SLC25A48: variants seen among roughly 807,000 people sequenced by gnomAD.
SLC25A48 encodes solute carrier family 25 member 48.
Under a neutral mutation model 32.2 loss-of-function variants are expected in SLC25A48, and 29 were observed. The observed-to-expected ratio is 0.90, with a 90% CI of 0.67 to 1.23. The LOEUF is 1.23. Ranked by LOEUF, SLC25A48 falls within the 50% of genes most tolerant of loss-of-function variation. SLC25A48 has a pLI of 0.00. For missense variants in SLC25A48, 399 were observed against 422.7 expected (o/e 0.94, Z 0.49); for synonymous variants, 164 against 172.3 (o/e 0.95, Z 0.38).
At chr5:135,747,405 T>G (rs1056870751) in intron 3 of SLC25A48, among the ~76,000 whole-genome samples, 2 of 152,066 alleles carry the variant, frequency 1.3e-5, no homozygotes, top group African/African-American at 4.8e-5. Flanking sequence ...TGGTCAATTT[T>G]TCCCCCCAAG....
intron 4 of SLC25A48, among the ~76,000 whole-genome samples, chr5:135,855,782 C>T (rs112137103): frequency 1.1e-3 from 170 of 152,312 alleles, no homozygotes; most frequent in African/African-American, 3.7e-3. Flanking sequence ...GCCCAGAGTC[C>T]CGATCTCACC....
chr5:135,863,442 A>G (rs1225623094), intron 4 of SLC25A48, among the ~76,000 whole-genome samples: 2 of 152,230 alleles, frequency 1.3e-5, no homozygotes, highest in African/African-American at 4.8e-5. Context: ...TTGAGGTCAT[A>G]ACATTAGATG....
intron 4 of SLC25A48, among the ~76,000 whole-genome samples, chr5:135,864,133 C>T (rs1165291582): frequency 6.6e-6 from 1 of 152,098 alleles, no homozygotes; most frequent in African/African-American, 2.4e-5. Context: ...AGAGGGTCAG[C>T]CAAGAGGGGT....
intron 1 of SLC25A48, among the ~76,000 whole-genome samples, chr5:135,582,970 T>C (rs1751267109): frequency 6.6e-6 from 1 of 152,176 alleles, no homozygotes; most frequent in Non-Finnish European, 1.5e-5. Context: ...TCATATTTAT[T>C]TGGGGGTGCA....
At chr5:135,581,938 G>C (rs970482804) in intron 1 of SLC25A48, among the ~76,000 whole-genome samples, 8 of 152,234 alleles carry the variant, frequency 5.3e-5, no homozygotes, top group Non-Finnish European at 8.8e-5. Context: ...CCAAGCCGAG[G>C]GCCTCTGAGC....
At chr5:135,694,464 G>A (rs1754221671) in intron 3 of SLC25A48, among the ~76,000 whole-genome samples, 1 of 152,176 alleles carries the variant, frequency 6.6e-6, no homozygotes, top group Non-Finnish European at 1.5e-5. Flanking sequence ...CCCAGAAGCG[G>A]CTGCAAACAA....
Position 135,633,249 on chromosome 5 carries a change from G to T in SLC25A48, c.-708-1520G>T, listed in dbSNP as rs191931557. Among the ~76,000 whole-genome samples the T allele has an allele frequency of 4.6e-5, 7 of 152,224 alleles. No homozygotes were observed. In the East Asian group the frequency reaches 1.4e-3, roughly 29 times the overall value. ...CCTGGGCTGGAAGAACTGTGTGCTT[G>T]AGGCATAGTGAAACTCATCACAGAC... is the stretch of plus-strand genomic sequence containing the variant. On this transcript the variant is annotated intron_variant, in intron 2 of 10. Coordinates refer to the SLC25A48 transcript ENST00000646290.
intron 3 of SLC25A48, chr5:135,671,682 C>T (rs1050662964): frequency 2.0e-5 from 3 of 152,188 alleles, no homozygotes; most frequent in African/African-American, 7.2e-5. Flanking sequence ...GGAAGCAGAA[C>T]TTATTTAGGA....
At chr5:135,590,525 G>T (rs1019252063) in intron 1 of SLC25A48, among the ~76,000 whole-genome samples, 1 of 152,134 alleles carries the variant, frequency 6.6e-6, no homozygotes, top group African/African-American at 2.4e-5. Context: ...CTTTATTTGT[G>T]TGGGTTTTTT....
chr5:135,737,446 CAG>C (rs1261498317), intron 3 of SLC25A48, among the ~76,000 whole-genome samples: 2 of 152,172 alleles, frequency 1.3e-5, no homozygotes, highest in Non-Finnish European at 2.9e-5. Context: ...GTGCAGGTCA[CAG>C]GGGATATGAT....
chr5:135,733,117 T>G, intron 3 of SLC25A48, among the ~76,000 whole-genome samples: 1 of 152,194 alleles, frequency 6.6e-6, no homozygotes, highest in East Asian at 1.9e-4. Context: ...ATAGTCCTTT[T>G]GCAAGGGCGA....
intron 3 of SLC25A48, among the ~76,000 whole-genome samples, chr5:135,693,806 C>G (rs377732882): frequency 8.5e-5 from 13 of 152,168 alleles, no homozygotes; most frequent in African/African-American, 2.7e-4. Flanking sequence ...GGGGAGCAAC[C>G]GTCCACAACC....
chr5:135,681,611 T>G (rs935465943), intron 3 of SLC25A48, among the ~76,000 whole-genome samples: 7 of 152,246 alleles, frequency 4.6e-5, no homozygotes, highest in Admixed American at 2.6e-4. Flanking sequence ...ATATGGTAAT[T>G]TTTAATTGCT....
intron 1 of SLC25A48, among the ~76,000 whole-genome samples, chr5:135,836,065 G>A (rs566385478): frequency 6.5e-4 from 99 of 152,300 alleles, no homozygotes; most frequent in African/African-American, 2.3e-3. Context: ...ACCATTCAGC[G>A]GGGCAGGCAG....
At chr5:135,817,855 A>C (rs1397671674) in intron 4 of SLC25A48, among the ~76,000 whole-genome samples, 1 of 152,204 alleles carries the variant, frequency 6.6e-6, no homozygotes, top group Non-Finnish European at 1.5e-5. Flanking sequence ...GGCAAAATGA[A>C]GGTCATAGCA....
intron 3 of SLC25A48, among the ~76,000 whole-genome samples, chr5:135,731,698 A>T (rs142051693): frequency 0.021 from 3,159 of 152,300 alleles, 41 homozygotes; most frequent in Non-Finnish European, 0.033. Context: ...AGAGAAGGAG[A>T]AAAACAGATA....
intron 3 of SLC25A48, among the ~76,000 whole-genome samples, chr5:135,739,486 C>G (rs1320501150): frequency 6.6e-6 from 1 of 152,204 alleles, no homozygotes; most frequent in African/African-American, 2.4e-5. Flanking sequence ...TAATTCTTCT[C>G]TCTCTTGATC....
chr5:135,830,024 G>A (rs1402377236), upstream of SLC25A48, among the ~76,000 whole-genome samples: 1 of 151,570 alleles, frequency 6.6e-6, no homozygotes, highest in Non-Finnish European at 1.5e-5. Context: ...AGAGATTGGG[G>A]TGTCGCCTCC....
chr5:135,767,922 G>T (rs1306455897), intron 3 of SLC25A48, among the ~76,000 whole-genome samples: 2 of 147,736 alleles, frequency 1.4e-5, no homozygotes, highest in Non-Finnish European at 3.0e-5. Context: ...TATCGCTGGG[G>T]TGTACACACC....
Sources: gnomAD v4.1 joint callset for allele counts (sites outside exome capture counted in the v4.1 genomes callset) on GRCh38, gnomAD v4.1.1 for gene constraint, MANE v1.5 for transcripts, NCBI Gene and HGNC (gene_info 2026-07-23, HGNC 2026-07-21) for gene names.